The following GALNT13 variants were observed in gnomAD, a reference collection of about 807,000 sequenced individuals.
GALNT13 encodes the protein polypeptide N-acetylgalactosaminyltransferase 13.
Under a neutral mutation model 64.2 loss-of-function variants are expected in GALNT13, and 28 were observed. The observed-to-expected ratio is 0.44, with a 90% CI of 0.32 to 0.60. The LOEUF (loss-of-function observed/expected upper bound fraction) is 0.60. Among genes scored for constraint, GALNT13 ranks in the 20% least tolerant of loss-of-function variants. GALNT13 has a pLI of 0.05. For missense variants in GALNT13, 577 were observed against 669.8 expected, an observed-to-expected ratio of 0.86 and a Z score of 1.53; for synonymous variants, 214 against 224.6, an observed-to-expected ratio of 0.95 and a Z score of 0.42.
the GALNT13 span, among the ~76,000 whole-genome samples, chr2:153,574,932 C>T: frequency 2.6e-5 from 4 of 152,006 alleles, no homozygotes; most frequent in East Asian, 5.8e-4. Context: ...CTAGTAGTTG[C>T]TCCTTAATGT....
At chr2:153,828,093 G>T in the GALNT13 span, among the ~76,000 whole-genome samples, 2 of 152,208 alleles carry the variant, frequency 1.3e-5, no homozygotes, top group African/African-American at 2.4e-5. Flanking sequence ...CACTGCTGTC[G>T]CTTTGCAGGG....
the GALNT13 span, among the ~76,000 whole-genome samples, chr2:153,571,616 T>G: frequency 6.6e-6 from 1 of 151,962 alleles, no homozygotes; most frequent in African/African-American, 2.4e-5. Flanking sequence ...TATTGACATA[T>G]GTTCCTTCTA....
chr2:153,568,112 C>G, the GALNT13 span, among the ~76,000 whole-genome samples: 1 of 152,190 alleles, frequency 6.6e-6, no homozygotes, highest in Non-Finnish European at 1.5e-5. Flanking sequence ...CTCTGAAATT[C>G]TAGTTCTGGA....
chr2:153,410,297 T>C, the GALNT13 span, among the ~76,000 whole-genome samples: 1 of 151,968 alleles, frequency 6.6e-6, no homozygotes, highest in Non-Finnish European at 1.5e-5. Context: ...AGTCTCACTA[T>C]GTTGCCCAGA....
intron 3 of GALNT13, among the ~76,000 whole-genome samples, chr2:154,127,709 C>CACACGT (rs531891757): frequency 3.2e-5 from 4 of 125,926 alleles, no homozygotes; most frequent in Middle Eastern, 5.0e-3. Flanking sequence ...CACACACACA[C>CACACGT]GTGTGTGTGT....
chr2:153,872,154 TCG>T lies in GALNT13; in HGVS notation c.-323_-322del, dbSNP rs1222604233. 6.7e-6 allele frequency: 1 copy of T among 149,156 alleles called. No individual in the cohort carries two copies. 9.2% of individuals were successfully genotyped at this position (149,156 alleles called of 1,614,324 possible). A position where few individuals can be genotyped will look rare whatever the true frequency, so the allele number is the denominator to read the frequency against. ...CGGGAGCCGGGGCTGCGCGCGGCGC[TCG>T]CGGGCCGGCGCGGGTTCCAGGTGAG... On this transcript the variant is annotated 5_prime_UTR_variant, in exon 1 of 13. Transcript: ENST00000392825.
chr2:153,803,609 G>T, the GALNT13 span, among the ~76,000 whole-genome samples: 91 of 149,986 alleles, frequency 6.1e-4, no homozygotes, highest in Non-Finnish European at 2.2e-4. Context: ...GGAGAACGGC[G>T]TGAACCCTGG....
the GALNT13 span, among the ~76,000 whole-genome samples, chr2:153,619,099 G>A: frequency 1.3e-5 from 2 of 151,798 alleles, no homozygotes; most frequent in African/African-American, 4.8e-5. Context: ...GCTCTTCCTT[G>A]TTTCTTTCCT....
the GALNT13 span, among the ~76,000 whole-genome samples, chr2:153,167,970 C>G: frequency 6.6e-6 from 1 of 152,162 alleles, no homozygotes; most frequent in Non-Finnish European, 1.5e-5. Context: ...CTGGTATAAA[C>G]AGTGTTTCTT....
chr2:153,736,292 A>T, the GALNT13 span, among the ~76,000 whole-genome samples: 1 of 152,088 alleles, frequency 6.6e-6, no homozygotes, highest in African/African-American at 2.4e-5. Context: ...TTGATGTCCA[A>T]ATTATCTCAT....
At chr2:153,075,736 G>A in the GALNT13 span, among the ~76,000 whole-genome samples, 2 of 152,126 alleles carry the variant, frequency 1.3e-5, no homozygotes, top group African/African-American at 4.8e-5. Context: ...CTATCCTTGT[G>A]TCCTCCAGCT....
In GALNT13 at chr2:154,019,526, C is replaced by T. The variant is rs542382305; in HGVS notation, c.142+74887C>T. Among the ~76,000 whole-genome samples the T allele has an allele frequency of 2.5e-3, 384 of 150,710 alleles. 3 individuals are homozygous for T. The highest frequency in any genetic ancestry group is 0.02 in the South Asian group (95 of 4,732). On this transcript the variant is annotated intron_variant, in intron 3 of 12. Coordinates refer to ENST00000392825, the MANE Select transcript of GALNT13 (RefSeq NM_052917.4). The stretch of plus-strand genomic sequence containing the variant: ...ACGCACACCTGAGGCAGGAGGATCG[C>T]TTGAACTTGGGAGGCAGAGGTTGCA...
At chr2:153,722,465 A>G in the GALNT13 span, among the ~76,000 whole-genome samples, 1 of 147,244 alleles carries the variant, frequency 6.8e-6, no homozygotes, top group African/African-American at 2.6e-5. Context: ...ATCGGAGCAG[A>G]ACTGAAGGAA....
chr2:153,884,766 A>AATAT (rs372541314), intron 1 of GALNT13, among the ~76,000 whole-genome samples: 1,214 of 116,308 alleles, frequency 0.01, 42 homozygotes, highest in African/African-American at 0.029. Flanking sequence ...TAAAAATACG[A>AATAT]ATATATATAT....
chr2:153,915,634 A>G (rs1689278156), intron 2 of GALNT13, among the ~76,000 whole-genome samples: 1 of 152,114 alleles, frequency 6.6e-6, no homozygotes. Context: ...AAGCCTGATC[A>G]TTATCATCAT....
At chr2:153,535,395 A>G in the GALNT13 span, among the ~76,000 whole-genome samples, 2 of 152,162 alleles carry the variant, frequency 1.3e-5, no homozygotes, top group African/African-American at 4.8e-5. Context: ...GGATAGCACC[A>G]GGAGATATCA....
the GALNT13 span, among the ~76,000 whole-genome samples, chr2:153,790,469 T>C: frequency 2.0e-5 from 3 of 152,150 alleles, no homozygotes; most frequent in African/African-American, 4.8e-5. Flanking sequence ...ATAAGAGCCA[T>C]TTATGACAAA....
At chr2:153,683,749 T>C in the GALNT13 span, among the ~76,000 whole-genome samples, 1 of 151,726 alleles carries the variant, frequency 6.6e-6, no homozygotes, top group African/African-American at 2.4e-5. Context: ...GGCTTTGAAC[T>C]AAATGGTGAA....
intron 4 of GALNT13, among the ~76,000 whole-genome samples, chr2:154,153,935 C>T (rs1338538890): frequency 6.6e-6 from 1 of 152,188 alleles, no homozygotes; most frequent in Non-Finnish European, 1.5e-5. Flanking sequence ...TGCGCTGCAC[C>T]CACTGTCCTG....
Sources: allele counts gnomAD v4.1 joint callset (sites outside exome capture counted in the v4.1 genomes callset), GRCh38; gene constraint gnomAD v4.1.1; transcripts MANE v1.5; gene names NCBI Gene and HGNC (gene_info 2026-07-23, HGNC 2026-07-21).